C2orf74: variants seen among roughly 807,000 people sequenced by gnomAD.
C2orf74 encodes uncharacterized protein C2orf74.
A neutral mutation model predicts 17.9 loss-of-function variants in C2orf74; 14 were observed. The observed-to-expected ratio is 0.78, with a 90% confidence interval of 0.52 to 1.22. The LOEUF (loss-of-function observed/expected upper bound fraction) is 1.22. Among genes scored for constraint, C2orf74 ranks in the 50% most tolerant of loss-of-function variants. The pLI is 0.00. For synonymous variants in C2orf74, 79 were observed against 72.6 expected (o/e 1.09, Z -0.44); for missense variants, 217 against 218.4 (o/e 0.99, Z 0.04).
intron 1 of C2orf74, chr2:61,151,546 G>A (rs931856024): frequency 2.0e-5 from 3 of 151,592 alleles, no homozygotes; most frequent in African/African-American, 7.3e-5. Flanking sequence ...AGACTCATTT[G>A]GGGGAGAATC....
chr2:61,152,022 G>A (rs1685241781), intron 1 of C2orf74: 2 of 152,318 alleles, frequency 1.3e-5, no homozygotes, highest in Admixed American at 6.6e-5. Flanking sequence ...GTGGATTAGA[G>A]GTGTGAGATT....
At chr2:61,151,544 T>C (rs550792572) in intron 1 of C2orf74, 1 of 151,620 alleles carries the variant, frequency 6.6e-6, no homozygotes, top group African/African-American at 2.4e-5. Flanking sequence ...GAAGACTCAT[T>C]TGGGGGAGAA....
rs58859195 is a variant in C2orf74, at chr2:61,162,228, G to C, written c.-192G>C. On this transcript the variant is annotated 5_prime_UTR_variant, in exon 1 of 5. Coordinates refer to ENST00000432605, the MANE Select transcript of C2orf74 (RefSeq NM_001143959.4). ...TGGGTCCTGATAGTTTTTGGGGTGA[G>C]GGAGGTGAGCTGCGTGATCACACAT... 4.3e-4 allele frequency: 177 copies of C among 415,730 alleles called. No individual in the cohort carries two copies. The highest frequency in any genetic ancestry group is 2.7e-3 in the African/African-American group (135 of 49,326). The allele number at this position is 415,730 out of a possible 1,614,324, so 25.8% of individuals were successfully genotyped here. A position where few individuals can be genotyped will look rare whatever the true frequency, so the allele number is the denominator to read the frequency against.
At chr2:61,157,976 C>G (rs1160095536), upstream of C2orf74, 4 of 471,266 alleles carry the variant, frequency 8.5e-6, no homozygotes, top group Admixed American at 9.4e-5. Context: ...AGTGGACACC[C>G]TCTGGCCACC....
chr2:61,158,080 G>A (rs1685449172), upstream of C2orf74: 2 of 452,042 alleles, frequency 4.4e-6, no homozygotes, highest in Admixed American at 2.4e-5. Context: ...CATGGCAGAT[G>A]CCAGGAGCAC....
At chr2:61,159,970 T>A (rs1685513329), upstream of C2orf74, among the ~76,000 whole-genome samples, 1 of 152,242 alleles carries the variant, frequency 6.6e-6, no homozygotes, top group Non-Finnish European at 1.5e-5. Flanking sequence ...CATTAAACAC[T>A]GATTTCCCAT....
intron 1 of C2orf74, among the ~76,000 whole-genome samples, chr2:61,147,603 C>T (rs763940462): frequency 1.4e-4 from 21 of 152,102 alleles, no homozygotes; most frequent in Non-Finnish European, 2.4e-4. Flanking sequence ...CGAGGTGAGC[C>T]TCTTATATTT....
chr2:61,154,797 A>G (rs72811417), intron 1 of C2orf74, among the ~76,000 whole-genome samples: 9,268 of 152,160 alleles, frequency 0.061, 392 homozygotes, highest in Non-Finnish European at 0.083. Context: ...GCTCATGCCT[A>G]TGATCCCAGT....
chr2:61,162,229 G>T lies in C2orf74; in HGVS notation c.-191G>T. On this transcript the variant is annotated 5_prime_UTR_variant, in exon 1 of 5. Transcript: ENST00000432605. Reference sequence around the variant, plus strand: ...GGGTCCTGATAGTTTTTGGGGTGAGGGAGGTGAGCTGCGTGATCACACATG... The same window carrying T: ...GGGTCCTGATAGTTTTTGGGGTGAGTGAGGTGAGCTGCGTGATCACACATG... 2.4e-6 allele frequency: 1 copy of T among 418,456 alleles called. No homozygotes were observed. The highest frequency in any genetic ancestry group is 2.0e-5 in the African/African-American group (1 of 49,398). 25.9% of individuals were successfully genotyped at this position (418,456 alleles called of 1,614,324 possible).
intron 1 of C2orf74, among the ~76,000 whole-genome samples, chr2:61,153,333 T>G (rs2103619718): frequency 6.6e-6 from 1 of 151,906 alleles, no homozygotes; most frequent in East Asian, 2.0e-4. Context: ...CAGTCTGGAG[T>G]GCAGTGGCGC....
intron 1 of C2orf74, among the ~76,000 whole-genome samples, chr2:61,155,040 G>A (rs975303068): frequency 6.6e-6 from 1 of 152,082 alleles, no homozygotes; most frequent in Non-Finnish European, 1.5e-5. Flanking sequence ...ACTCCAGCCT[G>A]GGCAACACAT....
At chr2:61,145,144 A>G (rs1201454405) in exon 1 of C2orf74, 1 of 152,326 alleles carries the variant, frequency 6.6e-6, no homozygotes, top group African/African-American at 2.4e-5. Context: ...ACGTCGTCCG[A>G]GAGTCTTAAA....
At chr2:61,164,177 C>G (rs1685659196) in intron 4 of C2orf74, among the ~76,000 whole-genome samples, 177 bp from the exon 5 acceptor site, 1 of 152,108 alleles carries the variant, frequency 6.6e-6, no homozygotes, top group African/African-American at 2.4e-5. Context: ...TCAGTGTGTG[C>G]TTTTATAACC....
intron 1 of C2orf74, among the ~76,000 whole-genome samples, chr2:61,153,316 A>T (rs917658419): frequency 3.9e-5 from 6 of 152,056 alleles, no homozygotes; most frequent in Admixed American, 3.9e-4. Context: ...AGTCTCGCTC[A>T]GTCACCCAGT....
intron 4 of C2orf74, among the ~76,000 whole-genome samples, chr2:61,164,083 A>T (rs1019636220): frequency 6.6e-6 from 1 of 152,122 alleles, no homozygotes; most frequent in Non-Finnish European, 1.5e-5. Flanking sequence ...TGCCCGGTTG[A>T]CGACAGAATG....
chr2:61,163,155 G>T lies in C2orf74; in HGVS notation c.313G>T (p.Asp105Tyr). ...VLATPLENRR[D>Y]MEAEEENQIN... ...GGCCACACCCTTAGAAAACAGAAGGGACATGGAGGCAGAAGAGGAGAACCA... is the reference window on the plus strand; with the variant it reads ...GGCCACACCCTTAGAAAACAGAAGGTACATGGAGGCAGAAGAGGAGAACCA... The change falls in exon 4 of 5, where the codon GAC becomes TAC. Residue 105 changes from aspartate (D) to tyrosine (Y), a missense_variant. By Grantham distance (160) the Asp-to-Tyr change is radical. Coordinates refer to ENST00000432605, the MANE Select transcript of C2orf74 (RefSeq NM_001143959.4). The T allele has an allele frequency of 1.3e-6, 2 of 1,552,324 alleles. No homozygotes were observed. Among genetic ancestry groups the T allele is most frequent in the Non-Finnish European group, 1.7e-6 (2 of 1,147,114 alleles).
upstream of C2orf74, chr2:61,157,847 A>G: frequency 2.1e-6 from 1 of 469,866 alleles, no homozygotes; most frequent in Non-Finnish European, 4.4e-6. Context: ...TTCCTGGATC[A>G]TGTTTTTGTC....
intron 1 of C2orf74, among the ~76,000 whole-genome samples, chr2:61,154,221 C>A (rs183093558): frequency 7.7e-6 from 1 of 129,692 alleles, no homozygotes. Flanking sequence ...GCAATAAGAG[C>A]GAAATTCTGT....
At chr2:61,162,986 A>G in intron 3 of C2orf74, 31 bp downstream of exon 3, 1 of 1,551,982 alleles carries the variant, frequency 6.4e-7, no homozygotes, top group East Asian at 2.4e-5. Flanking sequence ...GGCAGAGGCC[A>G]TTTTGTGTTT....
Sources: gnomAD v4.1 joint callset for allele counts (sites outside exome capture counted in the v4.1 genomes callset) on GRCh38, gnomAD v4.1.1 for gene constraint, MANE v1.5 for transcripts, NCBI Gene and HGNC (gene_info 2026-07-23, HGNC 2026-07-21) for gene names.